SGCG: variants seen among roughly 807,000 people sequenced by gnomAD.
The protein encoded by SGCG is gamma-sarcoglycan.
Under a neutral mutation model 29.3 loss-of-function variants are expected in SGCG, and 26 were observed. The ratio of observed to expected loss-of-function variants is 0.89; its 90% CI spans 0.65 to 1.23. SGCG has a LOEUF of 1.23. Ranked by LOEUF, SGCG falls within the 50% of genes most tolerant of loss-of-function variation. The probability of loss-of-function intolerance (pLI) is 0.00; values close to 1 mark genes in which losing one functional copy is unlikely to be tolerated. For synonymous variants in SGCG, 145 were observed against 129.7 expected, an observed-to-expected ratio of 1.12 and a Z score of -0.80; for missense variants, 353 against 356.0, an observed-to-expected ratio of 0.99 and a Z score of 0.07.
intron 1 of SGCG, among the ~76,000 whole-genome samples, chr13:23,183,326 A>G (rs1876822885): frequency 6.6e-6 from 1 of 152,186 alleles, no homozygotes; most frequent in African/African-American, 2.4e-5. Context: ...AGACCTCGGG[A>G]AAATGACGGT....
chr13:23,274,607 A>G (rs150894149), intron 4 of SGCG, among the ~76,000 whole-genome samples: 4,286 of 151,834 alleles, frequency 0.028, 86 homozygotes, highest in Non-Finnish European at 0.033. Flanking sequence ...TATTTTTAGT[A>G]GAGACGGGGT....
chr13:23,165,992 G>A, the SGCG span, among the ~76,000 whole-genome samples: 25 of 152,118 alleles, frequency 1.6e-4, no homozygotes, highest in East Asian at 9.7e-4. Context: ...TTGTGAACAC[G>A]GTTTTAGTTC....
At chr13:23,290,932 C>T (rs1231682520) in intron 5 of SGCG, among the ~76,000 whole-genome samples, 2 of 152,158 alleles carry the variant, frequency 1.3e-5, no homozygotes, top group Non-Finnish European at 2.9e-5. Flanking sequence ...TCCAAGAGCA[C>T]CCTGATTGCT....
At chr13:23,167,040 C>T in the SGCG span, among the ~76,000 whole-genome samples, 1 of 152,198 alleles carries the variant, frequency 6.6e-6, no homozygotes. Context: ...CAAACCCCTG[C>T]CCCTACTTTC....
intron 5 of SGCG, among the ~76,000 whole-genome samples, chr13:23,285,305 C>T (rs1244961774): frequency 6.6e-6 from 1 of 152,132 alleles, no homozygotes; most frequent in Admixed American, 6.5e-5. Flanking sequence ...GATGCCCTGC[C>T]CAGAGAGGAG....
intron 2 of SGCG, among the ~76,000 whole-genome samples, chr13:23,205,475 C>G (rs546044360): frequency 6.6e-5 from 10 of 152,002 alleles, no homozygotes; most frequent in African/African-American, 2.4e-4. Context: ...CTGGGAGTGA[C>G]GAGAAGCCCA....
chr13:23,237,194 T>C (rs1407503298), intron 3 of SGCG, among the ~76,000 whole-genome samples: 1 of 152,234 alleles, frequency 6.6e-6, no homozygotes. Flanking sequence ...CATGAGGGCC[T>C]GTATTGAATT....
chr13:23,207,174 A>T (rs1878013089), intron 2 of SGCG, among the ~76,000 whole-genome samples: 1 of 152,210 alleles, frequency 6.6e-6, no homozygotes, highest in Admixed American at 6.5e-5. Flanking sequence ...TGCATGTGTG[A>T]TCAACTGGTC....
intron 4 of SGCG, among the ~76,000 whole-genome samples, chr13:23,258,090 A>G (rs1880269977): frequency 6.6e-6 from 1 of 152,136 alleles, no homozygotes; most frequent in African/African-American, 2.4e-5. Context: ...GAAGAAAGTC[A>G]TTGGTAGCTT....
rs17374896 is a variant in SGCG at position 23,279,561 on chromosome 13, G to T, written c.505+83G>T. 0.11 allele frequency: 153,130 copies of T among 1,378,506 alleles called. 9,416 individuals carry two copies. The highest frequency in any genetic ancestry group is 0.15 in the South Asian group (12,164 of 83,260). 85.4% of individuals were successfully genotyped at this position (1,378,506 alleles called of 1,614,324 possible). On this transcript the variant is annotated intron_variant, in intron 5 of 7. Transcript: ENST00000218867. ...CATTGTACTATTGACAAGTTTATGT[G>T]GAATCTTTCAAGCAGATAAGAGAGT...
chr13:23,257,210 A>G (rs1297742739), intron 4 of SGCG, among the ~76,000 whole-genome samples: 1 of 152,106 alleles, frequency 6.6e-6, no homozygotes, highest in Non-Finnish European at 1.5e-5. Flanking sequence ...TCCTTTGCCC[A>G]CGTTTTTGAT....
At chr13:23,225,374 G>A (rs549873318) in intron 2 of SGCG, among the ~76,000 whole-genome samples, 5 of 152,296 alleles carry the variant, frequency 3.3e-5, no homozygotes, top group East Asian at 1.9e-4. Flanking sequence ...TAATTATTTC[G>A]TGAGGAGGTA....
intron 2 of SGCG, among the ~76,000 whole-genome samples, chr13:23,206,943 T>A (rs1878002531): frequency 6.6e-6 from 1 of 152,210 alleles, no homozygotes; most frequent in Admixed American, 6.5e-5. Context: ...AATGTTATAT[T>A]TTTTACAGAA....
intron 7 of SGCG, among the ~76,000 whole-genome samples, chr13:23,323,331 G>T (rs1949119174): frequency 6.6e-6 from 1 of 152,244 alleles, no homozygotes; most frequent in Admixed American, 6.5e-5. Flanking sequence ...GCACGGCACA[G>T]AGCTGCCTGC....
At chr13:23,233,101 G>C (rs576413403) in intron 2 of SGCG, among the ~76,000 whole-genome samples, 10 of 152,294 alleles carry the variant, frequency 6.6e-5, no homozygotes, top group African/African-American at 1.9e-4. Context: ...GCATCAAAGA[G>C]ATATTCGCAC....
At chr13:23,288,431 G>A (rs1881584088) in intron 5 of SGCG, among the ~76,000 whole-genome samples, 1 of 151,898 alleles carries the variant, frequency 6.6e-6, no homozygotes, top group Non-Finnish European at 1.5e-5. Flanking sequence ...CATTCTTTGA[G>A]CAATTAAGAC....
chr13:23,230,964 A>G (rs1318111481), intron 2 of SGCG, among the ~76,000 whole-genome samples: 1 of 152,210 alleles, frequency 6.6e-6, no homozygotes, highest in Non-Finnish European at 1.5e-5. Context: ...ATGTTCCTTC[A>G]ATACTTAGTT....
chr13:23,308,295 A>G (rs1882430549), intron 6 of SGCG, among the ~76,000 whole-genome samples: 1 of 152,192 alleles, frequency 6.6e-6, no homozygotes, highest in South Asian at 2.1e-4. Flanking sequence ...TGTGGATGTG[A>G]AGTAGGCAAA....
chr13:23,190,848 T>C (rs976581426), intron 1 of SGCG, among the ~76,000 whole-genome samples: 1 of 152,176 alleles, frequency 6.6e-6, no homozygotes, highest in Admixed American at 6.5e-5. Context: ...ACTGACGATA[T>C]TAGGAAAATG....
Sources: allele counts gnomAD v4.1 joint callset (sites outside exome capture counted in the v4.1 genomes callset), GRCh38; gene constraint gnomAD v4.1.1; transcripts MANE v1.5; gene names NCBI Gene and HGNC (gene_info 2026-07-23, HGNC 2026-07-21).